METTL25: variants seen among roughly 807,000 people sequenced by gnomAD.
METTL25 encodes the protein methyltransferase like 25.
In METTL25, 64 loss-of-function variants were observed where a neutral mutation model predicts 71.6. That is an observed-to-expected ratio of 0.89 (90% confidence interval 0.73 to 1.10). The LOEUF (loss-of-function observed/expected upper bound fraction) is 1.10, where lower values mean the gene tolerates loss of function less well. Ranked by LOEUF, METTL25 falls within the 50% of genes least tolerant of loss-of-function variation. The probability of loss-of-function intolerance (pLI) is 0.00; values close to 1 mark genes in which losing one functional copy is unlikely to be tolerated. For missense variants in METTL25, 807 were observed against 707.0 expected (o/e 1.14, Z -1.60); for synonymous variants, 287 against 250.3 (o/e 1.15, Z -1.38).
intron 6 of METTL25, 36 bp downstream of exon 6, chr12:82,431,023 TC>T: frequency 7.3e-7 from 1 of 1,369,564 alleles, no homozygotes. Flanking sequence ...AACAGCTTTA[TC>T]CAGATGTTGT....
At chr12:82,462,578 T>C (rs1891956880) in intron 9 of METTL25, among the ~76,000 whole-genome samples, 1 of 152,192 alleles carries the variant, frequency 6.6e-6, no homozygotes, top group African/African-American at 2.4e-5. Flanking sequence ...GGTGTATATA[T>C]ACAGCTTAAA....
chr12:82,371,254 T>C (rs984723265), intron 1 of METTL25, among the ~76,000 whole-genome samples: 22 of 152,098 alleles, frequency 1.4e-4, no homozygotes, highest in Non-Finnish European at 3.1e-4. Context: ...CGAGGCTCAG[T>C]GAGGGTGATG....
At chr12:82,412,930 T>C (rs1887663594) in intron 5 of METTL25, among the ~76,000 whole-genome samples, 1 of 151,844 alleles carries the variant, frequency 6.6e-6, no homozygotes. Context: ...ATTACTATAA[T>C]TTTTTTCTAA....
intron 8 of METTL25, among the ~76,000 whole-genome samples, chr12:82,441,786 C>CAA (rs201386289): frequency 2.1e-4 from 13 of 62,642 alleles, no homozygotes; most frequent in African/African-American, 7.0e-4. Context: ...CATACTATAG[C>CAA]AAAAAAAAAA....
At chr12:82,419,007 T>C (rs1018629123) in intron 5 of METTL25, among the ~76,000 whole-genome samples, 1 of 152,172 alleles carries the variant, frequency 6.6e-6, no homozygotes, top group African/African-American at 2.4e-5. Flanking sequence ...GAGAATTTAA[T>C]GTCAACAAGG....
intron 4 of METTL25, among the ~76,000 whole-genome samples, chr12:82,402,334 G>A (rs969549735): frequency 3.3e-5 from 5 of 152,060 alleles, no homozygotes; most frequent in East Asian, 1.9e-4. Context: ...AATCTGAGAC[G>A]TGAAATTAAT....
rs574727183 is a variant in METTL25, at chr12:82,467,160, A to C, written c.1573-9484A>C. Among the ~76,000 whole-genome samples, 17 of 151,810 alleles carry C rather than the reference A, an allele frequency of 1.1e-4. No individual in the cohort carries two copies. The South Asian group carries it at 3.3e-3, about 30-fold the overall frequency. ...AAAAAAATCCATTCTGCCAGTTCATATGTTTAAAGTGGAGAATGTAGACCA... is the reference window on the plus strand; with the variant it reads ...AAAAAAATCCATTCTGCCAGTTCATCTGTTTAAAGTGGAGAATGTAGACCA... On this transcript the variant is annotated intron_variant, in intron 9 of 11. Coordinates refer to ENST00000248306, the MANE Select transcript of METTL25 (RefSeq NM_032230.3).
chr12:82,384,818 A>G (rs1053123375), intron 1 of METTL25, among the ~76,000 whole-genome samples: 6 of 152,198 alleles, frequency 3.9e-5, no homozygotes, highest in Admixed American at 3.3e-4. Context: ...TTTTGGCAAC[A>G]TTGTCCAATA....
intron 5 of METTL25, among the ~76,000 whole-genome samples, chr12:82,427,250 C>G (rs1889104406): frequency 6.6e-6 from 1 of 151,950 alleles, no homozygotes; most frequent in Non-Finnish European, 1.5e-5. Context: ...CTCCATACTT[C>G]TCATTGCTAA....
intron 9 of METTL25, among the ~76,000 whole-genome samples, chr12:82,464,310 A>T (rs910074750): frequency 6.6e-6 from 1 of 152,022 alleles, no homozygotes; most frequent in South Asian, 2.1e-4. Flanking sequence ...TGAGGTGTCT[A>T]GTTTAATTCC....
intron 5 of METTL25, among the ~76,000 whole-genome samples, chr12:82,411,053 G>A (rs1887521603): frequency 6.6e-6 from 1 of 151,826 alleles, no homozygotes; most frequent in Non-Finnish European, 1.5e-5. Flanking sequence ...CTATTATATT[G>A]AACTAAAAAT....
At chr12:82,472,255 A>G (rs1290883412) in intron 9 of METTL25, among the ~76,000 whole-genome samples, 1 of 152,130 alleles carries the variant, frequency 6.6e-6, no homozygotes, top group Non-Finnish European at 1.5e-5. Flanking sequence ...GTCTAGGTTC[A>G]TTTGTATGTG....
rs564080796 is a variant in METTL25 at position 82,431,543 on chromosome 12, G to C, written c.1374+556G>C. 4.0e-5 allele frequency among the ~76,000 whole-genome samples: 6 copies of C among 151,610 alleles called. No homozygotes were observed. The East Asian group carries it at 1.2e-3, about 29-fold the overall frequency. On this transcript the variant is annotated intron_variant, in intron 6 of 11. Coordinates refer to ENST00000248306, the MANE Select transcript of METTL25 (RefSeq NM_032230.3). ...TAAATTTAGAGACCTAAAGTACAAC[G>C]TAAGGACTATAGTTACTATTGTATT...
chr12:82,400,048 G>A (rs1363166206), intron 4 of METTL25, among the ~76,000 whole-genome samples: 1 of 151,852 alleles, frequency 6.6e-6, no homozygotes, highest in Non-Finnish European at 1.5e-5. Context: ...AATAGGCTGA[G>A]TGCCGTGGCT....
At chr12:82,403,199 T>C (rs1886796380) in intron 5 of METTL25, 69 bp downstream of exon 5, 2 of 1,451,568 alleles carry the variant, frequency 1.4e-6, no homozygotes, top group East Asian at 4.7e-5. Flanking sequence ...TTCTATTTTC[T>C]ATTTCTCCCC....
intron 5 of METTL25, among the ~76,000 whole-genome samples, chr12:82,408,666 T>C (rs1887299833): frequency 6.6e-6 from 1 of 151,612 alleles, no homozygotes; most frequent in South Asian, 2.1e-4. Flanking sequence ...CTGGGCTATT[T>C]AGCAGAAACT....
intron 5 of METTL25, among the ~76,000 whole-genome samples, chr12:82,420,202 A>G (rs1374592353): frequency 6.6e-6 from 1 of 152,170 alleles, no homozygotes; most frequent in Admixed American, 6.6e-5. Context: ...AGAAATAGGG[A>G]AGTATTAGTC....
intron 3 of METTL25, among the ~76,000 whole-genome samples, chr12:82,392,506 T>A (rs1444821380): frequency 6.6e-6 from 1 of 152,096 alleles, no homozygotes; most frequent in Non-Finnish European, 1.5e-5. Flanking sequence ...GTTGTTTGTG[T>A]CCCTTATGTA....
intron 5 of METTL25, among the ~76,000 whole-genome samples, chr12:82,424,592 C>A (rs193268594): frequency 5.8e-4 from 88 of 151,732 alleles, no homozygotes; most frequent in African/African-American, 2.1e-3. Context: ...AAAACTAGAT[C>A]TCACAGAAGA....
Sources: gnomAD v4.1 joint callset for allele counts (sites outside exome capture counted in the v4.1 genomes callset) on GRCh38, gnomAD v4.1.1 for gene constraint, MANE v1.5 for transcripts, NCBI Gene and HGNC (gene_info 2026-07-23, HGNC 2026-07-21) for gene names.